ADGRE1: variants seen among roughly 807,000 people sequenced by gnomAD.
The protein encoded by ADGRE1 is EGF-like module receptor 1.
ADGRE1 carries 82 observed loss-of-function variants against 102.7 expected under a neutral mutation model. The observed-to-expected ratio is 0.80, with a 90% confidence interval of 0.67 to 0.96. The LOEUF is 0.96. Ranked by LOEUF, ADGRE1 falls within the 40% of genes least tolerant of loss-of-function variation. The pLI, the probability that ADGRE1 is intolerant of heterozygous loss-of-function variation, is 0.00. For synonymous variants in ADGRE1, 398 were observed against 399.6 expected (o/e 1.00, Z 0.05); for missense variants, 1,032 against 1,085.3 (o/e 0.95, Z 0.69).
intron 20 of ADGRE1, 75 bp downstream of exon 20, chr19:6,937,723 C>T (rs1484646616): frequency 4.1e-5 from 58 of 1,397,790 alleles, no homozygotes; most frequent in Admixed American, 5.1e-5. Flanking sequence ...AGCTCTGCCA[C>T]GTGTTGGGTA....
Position 6,890,531 on chromosome 19 carries a change from C to T in ADGRE1, c.82C>T (p.Pro28Ser). Residue 28 changes from proline to serine, a missense_variant, in exon 2 of 21, where the codon CCA becomes TCA. Coordinates refer to ENST00000312053, the MANE Select transcript of ADGRE1 (RefSeq NM_001974.5). ...AGGGCACATAAGACCCACACGGAAA[C>T]CAAACACAAAGGGTAAGTTGGCCAG... is the stretch of plus-strand genomic sequence containing the variant. ...WEGHIRPTRK[P>S]NTKGNNCRDS... 1 of 1,603,208 alleles carries T rather than the reference C, an allele frequency of 6.2e-7. No homozygotes were observed.
At position 6,940,073 on chromosome 19, in the gene ADGRE1, G is replaced by T. The variant is rs746678640; in HGVS notation, c.*44G>T. On this transcript the variant is annotated 3_prime_UTR_variant, in exon 21 of 21. Coordinates refer to ENST00000312053, the MANE Select transcript of ADGRE1 (RefSeq NM_001974.5). ...AATATGCTATGGAGCCACAGTTGAGGACAGTAGTTTCCTGCAGGAGCCTAC... is the reference window on the plus strand; with the variant it reads ...AATATGCTATGGAGCCACAGTTGAGTACAGTAGTTTCCTGCAGGAGCCTAC... 7 of 1,609,660 alleles carry T rather than the reference G, an allele frequency of 4.3e-6. No individual in the cohort carries two copies. The African/African-American group carries it at 8.0e-5, about 18-fold the overall frequency.
At chr19:6,902,572 A>G (rs1036060765) in intron 6 of ADGRE1, among the ~76,000 whole-genome samples, 1 of 146,336 alleles carries the variant, frequency 6.8e-6, no homozygotes, top group Non-Finnish European at 1.5e-5. Context: ...TCCCAAGTAG[A>G]TGGGATTACA....
At chr19:6,910,652 A>C (rs1281508098) in intron 10 of ADGRE1, among the ~76,000 whole-genome samples, 3 of 144,736 alleles carry the variant, frequency 2.1e-5, no homozygotes, top group East Asian at 2.1e-4. Flanking sequence ...ACTCACTGCA[A>C]GCTCCGCCTC....
At chr19:6,929,395 C>T (rs1161325032) in intron 17 of ADGRE1, among the ~76,000 whole-genome samples, 1 of 152,010 alleles carries the variant, frequency 6.6e-6, no homozygotes, top group Non-Finnish European at 1.5e-5. Flanking sequence ...TTACGTAGAG[C>T]GCGAGGAAGC....
Position 6,890,485 on chromosome 19 carries a change from T to C in ADGRE1, c.36T>C (p.Cys12=). 2 of 1,604,862 alleles carry C rather than the reference T, an allele frequency of 1.2e-6. No homozygotes were observed. Among genetic ancestry groups the C allele is most frequent in the Non-Finnish European group, 1.7e-6 (2 of 1,176,820 alleles). The change falls in exon 2 of 21, where the codon TGT becomes TGC. Residue 12 remains cysteine (C), a synonymous_variant. Coordinates refer to ENST00000312053, the MANE Select transcript of ADGRE1 (RefSeq NM_001974.5). The part of the protein sequence containing the change: ...RGFNLLLFWG[C]CVMHSWEGHI... ...TTTTCTTTTCTTTCTTCACAGGATG[T>C]TGTGTTATGCACAGCTGGGAAGGGC... is the stretch of plus-strand genomic sequence containing the variant.
At chr19:6,902,506 T>C (rs1264190129) in intron 6 of ADGRE1, among the ~76,000 whole-genome samples, 1 of 152,078 alleles carries the variant, frequency 6.6e-6, no homozygotes, top group Non-Finnish European at 1.5e-5. Context: ...AGTGGTACAA[T>C]CTCGGCTCAC....
intron 17 of ADGRE1, among the ~76,000 whole-genome samples, chr19:6,930,167 C>T (rs1975079800): frequency 2.0e-5 from 3 of 152,148 alleles, no homozygotes; most frequent in African/African-American, 7.2e-5. Context: ...CTAAATAAAT[C>T]TTTTTTAAAT....
chr19:6,916,242 T>C lies in ADGRE1; in HGVS notation c.1301-7T>C, dbSNP rs1158910231. ...ACCTCATACGAACTCTCCCTTTCTCTTTTTAGACATTGAGAGCAAAGTTAT... is the reference window on the plus strand; with the variant it reads ...ACCTCATACGAACTCTCCCTTTCTCCTTTTAGACATTGAGAGCAAAGTTAT... On this transcript the variant is annotated splice_polypyrimidine_tract_variant and splice_region_variant and intron_variant, in intron 11 of 20. Coordinates refer to ENST00000312053, the MANE Select transcript of ADGRE1 (RefSeq NM_001974.5). The C allele has an allele frequency of 1.2e-6, 2 of 1,610,134 alleles. No homozygotes were observed. The highest frequency in any genetic ancestry group is 2.2e-5 in the South Asian group (2 of 90,478).
intron 8 of ADGRE1, among the ~76,000 whole-genome samples, chr19:6,904,748 A>G (rs1278639978): frequency 6.6e-6 from 1 of 152,046 alleles, no homozygotes; most frequent in Non-Finnish European, 1.5e-5. Flanking sequence ...CCTCGTGATC[A>G]GCCCGCCTCG....
At chr19:6,925,913 G>T (rs1343916881) in intron 15 of ADGRE1, among the ~76,000 whole-genome samples, 1 of 151,836 alleles carries the variant, frequency 6.6e-6, no homozygotes, top group Non-Finnish European at 1.5e-5. Context: ...GCCCAGTCTG[G>T]TCTCAAACTC....
At chr19:6,936,309 A>G (rs168780) in intron 18 of ADGRE1, among the ~76,000 whole-genome samples, 104,094 of 151,088 alleles carry the variant, frequency 0.69, 36,191 homozygotes, top group Non-Finnish European at 0.74. Flanking sequence ...GGTGGTGGGC[A>G]CCTGTAGTCC....
In ADGRE1 at chr19:6,897,176, A is replaced by G; in HGVS notation, c.266A>G (p.Gln89Arg). 6.2e-7 allele frequency: 1 copy of G among 1,605,826 alleles called. No individual in the cohort carries two copies. The highest frequency in any genetic ancestry group is 8.5e-7 in the Non-Finnish European group (1 of 1,178,300). ...ATTGATGAATGTTCTCAAAGCCCCCAGCCCTGTGGTCCTAACTCATCCTGC... is the reference window on the plus strand; with the variant it reads ...ATTGATGAATGTTCTCAAAGCCCCCGGCCCTGTGGTCCTAACTCATCCTGC... ...KDIDECSQSP[Q>R]PCGPNSSCKN... The change falls in exon 4 of 21, where the codon CAG becomes CGG. Residue 89 changes from glutamine (Q) to arginine (R), a missense_variant. Transcript: ENST00000312053.
Position 6,896,524 on chromosome 19 carries a change from C to T in ADGRE1, c.221C>T (p.Pro74Leu). Residue 74 changes from proline to leucine, a missense_variant, in exon 3 of 21, where the codon CCA becomes CTA. Pro to Leu is a moderately conservative substitution (Grantham distance 98). Transcript: ENST00000312053. ...AATGGGCAAAATCACTTCAAGGATC[C>T]AGGAGTGCGATGCAAAGGTGAGTTC... ...SSNGQNHFKD[P>L]GVRCKDIDEC... 2 of 1,614,022 alleles carry T rather than the reference C, an allele frequency of 1.2e-6. No homozygotes were observed. Among genetic ancestry groups the T allele is most frequent in the Non-Finnish European group, 1.7e-6 (2 of 1,179,960 alleles).
intron 10 of ADGRE1, among the ~76,000 whole-genome samples, chr19:6,911,654 C>A (rs558654460): frequency 6.6e-6 from 1 of 151,176 alleles, no homozygotes; most frequent in East Asian, 1.9e-4. Flanking sequence ...TACACACATG[C>A]GCACACACAT....
chr19:6,888,323 G>T (rs926296774), intron 1 of ADGRE1, among the ~76,000 whole-genome samples: 3 of 152,212 alleles, frequency 2.0e-5, no homozygotes, highest in African/African-American at 7.2e-5. Context: ...GAAGTCTGGG[G>T]TTGAGGAGGG....
intron 5 of ADGRE1, chr19:6,898,295 T>C: frequency 6.3e-7 from 1 of 1,595,674 alleles, no homozygotes; most frequent in Non-Finnish European, 8.6e-7. Flanking sequence ...GTAACTCCAA[T>C]TCTCTGTCTA....
chr19:6,894,408 A>C (rs947452207), intron 2 of ADGRE1, among the ~76,000 whole-genome samples: 5 of 152,126 alleles, frequency 3.3e-5, no homozygotes, highest in African/African-American at 1.2e-4. Context: ...ATAAAAGAAG[A>C]GCTCAGGGAG....
intron 2 of ADGRE1, chr19:6,895,924 C>T (rs1256504962): frequency 6.5e-6 from 1 of 152,794 alleles, no homozygotes; most frequent in Non-Finnish European, 1.5e-5. Context: ...GAAATTTATT[C>T]TCTTCAAGTT....
Sources: gnomAD v4.1 joint callset for allele counts (sites outside exome capture counted in the v4.1 genomes callset) on GRCh38, gnomAD v4.1.1 for gene constraint, MANE v1.5 for transcripts, NCBI Gene and HGNC (gene_info 2026-07-23, HGNC 2026-07-21) for gene names.